PCDH9: variants seen among roughly 807,000 people sequenced by gnomAD.
The protein encoded by PCDH9 is protocadherin 9.
Under a neutral mutation model 70.6 loss-of-function variants are expected in PCDH9, and 24 were observed. The observed-to-expected ratio is 0.34, with a 90% CI of 0.25 to 0.48. The LOEUF (loss-of-function observed/expected upper bound fraction) is 0.48, where lower values mean the gene tolerates loss of function less well. Among genes scored for constraint, PCDH9 ranks in the 20% least tolerant of loss-of-function variants. The pLI, the probability that PCDH9 is intolerant of heterozygous loss-of-function variation, is 0.99. For synonymous variants in PCDH9, 562 were observed against 558.5 expected (o/e 1.01, Z -0.09); for missense variants, 1,281 against 1,503.6 (o/e 0.85, Z 2.45).
At chr13:66,610,751 T>C (rs1814415729) in intron 4 of PCDH9, among the ~76,000 whole-genome samples, 1 of 152,172 alleles carries the variant, frequency 6.6e-6, no homozygotes, top group Non-Finnish European at 1.5e-5. Context: ...CCTTCTTTCA[T>C]GTTACGTAAA....
intron 2 of PCDH9, among the ~76,000 whole-genome samples, chr13:67,000,330 T>G (rs1211019089): frequency 4.7e-5 from 3 of 63,248 alleles, no homozygotes; most frequent in African/African-American, 6.4e-5. Flanking sequence ...TGGGGACTGT[T>G]GTGGGGTGGG....
At chr13:66,544,368 A>G (rs1260547378) in intron 4 of PCDH9, among the ~76,000 whole-genome samples, 1 of 152,186 alleles carries the variant, frequency 6.6e-6, no homozygotes, top group Non-Finnish European at 1.5e-5. Flanking sequence ...AATTAACTTC[A>G]GTAATGGTGG....
intron 4 of PCDH9, among the ~76,000 whole-genome samples, chr13:66,602,841 T>A (rs2077179966): frequency 6.9e-6 from 1 of 145,864 alleles, no homozygotes; most frequent in Admixed American, 6.9e-5. Context: ...ATACCATCTT[T>A]GATCTTTTAT....
In PCDH9 at chr13:66,597,538, T is replaced by C. The variant is rs115364604; in HGVS notation, c.3340+33672A>G. On this transcript the variant is annotated intron_variant, in intron 4 of 4. Coordinates refer to ENST00000377865, the MANE Select transcript of PCDH9 (RefSeq NM_203487.3). ...GACTGGACATCCACATGCAAAAGAATGAAATCAGACCCCTATCCCACATCA... is the reference window on the plus strand; with the variant it reads ...GACTGGACATCCACATGCAAAAGAACGAAATCAGACCCCTATCCCACATCA... 1.4e-3 allele frequency among the ~76,000 whole-genome samples: 219 copies of C among 151,738 alleles called. 1 individual carries two copies. Among genetic ancestry groups the C allele is most frequent in the African/African-American group, 5.0e-3 (209 of 41,456 alleles).
intron 4 of PCDH9, among the ~76,000 whole-genome samples, chr13:66,593,560 A>C (rs939067269): frequency 6.6e-6 from 1 of 151,748 alleles, no homozygotes; most frequent in South Asian, 2.1e-4. Flanking sequence ...AGCAGAAAAC[A>C]TTAAAATACC....
At chr13:66,733,600 G>A (rs1043713596) in intron 3 of PCDH9, among the ~76,000 whole-genome samples, 4 of 151,656 alleles carry the variant, frequency 2.6e-5, no homozygotes, top group African/African-American at 9.7e-5. Flanking sequence ...TCTGTTAAGT[G>A]GCATCCAAAC....
chr13:66,456,443 G>A (rs527535093), intron 4 of PCDH9, among the ~76,000 whole-genome samples: 1 of 151,956 alleles, frequency 6.6e-6, no homozygotes, highest in Non-Finnish European at 1.5e-5. Flanking sequence ...CAAATTTTTT[G>A]TAGAGATGGG....
chr13:66,840,792 G>C (rs1055532444), intron 3 of PCDH9, among the ~76,000 whole-genome samples: 6 of 152,210 alleles, frequency 3.9e-5, no homozygotes, highest in Non-Finnish European at 7.3e-5. Flanking sequence ...TTATAGGCTG[G>C]AACAAGTAAG....
intron 2 of PCDH9, among the ~76,000 whole-genome samples, chr13:67,165,480 C>T (rs2088086580): frequency 6.6e-6 from 1 of 151,970 alleles, no homozygotes; most frequent in South Asian, 2.1e-4. Context: ...CCAATACTTA[C>T]CTCATTTATA....
intron 3 of PCDH9, among the ~76,000 whole-genome samples, chr13:66,689,490 A>AT (rs201322722): frequency 6.6e-6 from 1 of 152,234 alleles, no homozygotes; most frequent in Non-Finnish European, 1.5e-5. Flanking sequence ...AGATAAATCA[A>AT]TTTTTTTCAG....
chr13:66,934,876 A>T (rs112276839), intron 2 of PCDH9, among the ~76,000 whole-genome samples: 1 of 144,968 alleles, frequency 6.9e-6, no homozygotes, highest in African/African-American at 2.5e-5. Flanking sequence ...GCCCGCTACC[A>T]CGCCCGGCTA....
In PCDH9 at chr13:66,937,806, G is replaced by A. The variant is rs1481571997; in HGVS notation, c.3037-34201C>T. Among the ~76,000 whole-genome samples the A allele has an allele frequency of 2.2e-5, 3 of 133,736 alleles. No homozygotes were observed. In the Admixed American group the frequency reaches 2.5e-4, roughly 11 times the overall value. 87.7% of individuals were successfully genotyped at this position (133,736 alleles called of 152,430 possible). On this transcript the variant is annotated intron_variant, in intron 2 of 4. Transcript: ENST00000377865. ...TTTCTGTACTTCACTTCCAATTCCT[G>A]TGCATCACTTTACCTTTTTTTTTTT... is the stretch of plus-strand genomic sequence containing the variant.
rs190589173 is a variant in PCDH9 at position 66,906,167 on chromosome 13, G to A, written c.3037-2562C>T. 5.9e-5 allele frequency among the ~76,000 whole-genome samples: 9 copies of A among 152,304 alleles called. No homozygotes were observed. In the East Asian group the frequency reaches 1.5e-3, roughly 26 times the overall value. On this transcript the variant is annotated intron_variant, in intron 2 of 4. Transcript: ENST00000377865. The stretch of plus-strand genomic sequence containing the variant: ...TGTATGCAGACTGCTAAGGGACAGA[G>A]AAGAGCATGCATAGACTCCCAGATT...
At chr13:66,532,241 C>T (rs1721372970) in intron 4 of PCDH9, among the ~76,000 whole-genome samples, 1 of 151,856 alleles carries the variant, frequency 6.6e-6, no homozygotes, top group South Asian at 2.1e-4. Context: ...TAGGCTGAAG[C>T]AATCCTCCTG....
intron 4 of PCDH9, among the ~76,000 whole-genome samples, chr13:66,600,765 C>T (rs1387778231): frequency 3.0e-5 from 4 of 133,040 alleles, no homozygotes; most frequent in Non-Finnish European, 5.0e-5. Flanking sequence ...TAATTAAGAA[C>T]GTGTGTGTGT....
chr13:66,780,981 CTG>C (rs1256291508), intron 3 of PCDH9, among the ~76,000 whole-genome samples: 1 of 152,052 alleles, frequency 6.6e-6, no homozygotes, highest in African/African-American at 2.4e-5. Context: ...AGACTAAAGA[CTG>C]TGGGATGCGG....
intron 2 of PCDH9, among the ~76,000 whole-genome samples, chr13:66,961,688 A>G (rs1594317067): frequency 6.6e-6 from 1 of 152,260 alleles, no homozygotes; most frequent in East Asian, 1.9e-4. Flanking sequence ...AAAAATATCA[A>G]TTTTTTGGTT....
intron 3 of PCDH9, among the ~76,000 whole-genome samples, chr13:66,801,028 T>TC (rs56025534): frequency 6.6e-6 from 1 of 150,558 alleles, no homozygotes; most frequent in Non-Finnish European, 1.5e-5. Flanking sequence ...TTTTTTTTTT[T>TC]CGCCACAGCA....
At position 66,304,767 on chromosome 13, in the gene PCDH9, T is replaced by C. The variant is rs759158219; in HGVS notation, c.3602A>G (p.Asn1201Ser). 12 of 1,613,430 alleles carry C rather than the reference T, an allele frequency of 7.4e-6. No individual in the cohort carries two copies. Among genetic ancestry groups the C allele is most frequent in the South Asian group, 5.5e-5 (5 of 91,082 alleles). The change falls in exon 5 of 5, where the codon AAT becomes AGT. Residue 1201 changes from asparagine to serine, a missense_variant. Physicochemically the swap from Asn to Ser is conservative, Grantham distance 46 (BLOSUM62 1). This residue lies in a region of PCDH9 where 264 missense variants were observed against 278.8 expected (regional missense o/e 0.95). Coordinates refer to ENST00000377865, the MANE Select transcript of PCDH9 (RefSeq NM_203487.3). ...GCTGCCATTGTTGAAATGGCCTTCA[T>C]TGGAGCCATACTGCTTACGGTCATT... ...QFNDRKQYGSNEGHFNNGSHM... is the reference protein window; with the variant it reads ...QFNDRKQYGSSEGHFNNGSHM...
Sources: allele counts gnomAD v4.1 joint callset (sites outside exome capture counted in the v4.1 genomes callset), GRCh38; gene constraint gnomAD v4.1.1; regional missense constraint gnomAD v4.1.1; transcripts MANE v1.5; gene names NCBI Gene and HGNC (gene_info 2026-07-23, HGNC 2026-07-21).